Variants in AP1S3 observed in about 807,000 individuals in gnomAD.
AP1S3 encodes the protein adaptor related protein complex 1 subunit sigma 3, also known as AP-1 complex subunit sigma-3.
Under a neutral mutation model 20.9 loss-of-function variants are expected in AP1S3, and 10 were observed. The observed-to-expected ratio is 0.48, with a 90% CI of 0.29 to 0.81. AP1S3 has a LOEUF of 0.81. Among genes scored for constraint, AP1S3 ranks in the 30% least tolerant of loss-of-function variants. The pLI, the probability that AP1S3 is intolerant of heterozygous loss-of-function variation, is 0.08. For synonymous variants in AP1S3, 41 were observed against 61.5 expected (o/e 0.67, Z 1.56); for missense variants, 154 against 183.8 (o/e 0.84, Z 0.94).
At position 223,755,746 on chromosome 2, in the gene AP1S3, G is replaced by C. The variant is rs977277942; in HGVS notation, c.*2969C>G. On this transcript the variant is annotated 3_prime_UTR_variant, in exon 5 of 5. Coordinates refer to ENST00000396654, the MANE Select transcript of AP1S3 (RefSeq NM_001039569.2). ...GGGTTTCACCATGTTGGCCAGGCTGGTCTCGAACTCCTGACCTCAGGTGAT... is the reference window on the plus strand; with the variant it reads ...GGGTTTCACCATGTTGGCCAGGCTGCTCTCGAACTCCTGACCTCAGGTGAT... 3.0e-6 allele frequency: 2 copies of C among 671,178 alleles called. No individual in the cohort carries two copies. Among genetic ancestry groups the C allele is most frequent in the Non-Finnish European group, 3.7e-6 (2 of 543,188 alleles). The allele number at this position is 671,178 out of a possible 1,614,324, so 41.6% of individuals were successfully genotyped here. A position where few individuals can be genotyped will look rare whatever the true frequency, so the allele number is the denominator to read the frequency against.
intron 1 of AP1S3, among the ~76,000 whole-genome samples, chr2:223,785,722 CTG>C (rs1035896211): frequency 6.6e-6 from 1 of 152,116 alleles, no homozygotes; most frequent in African/African-American, 2.4e-5. Flanking sequence ...GAATGGCAGA[CTG>C]TGTGGCTGCC....
At chr2:223,787,152 G>A (rs1691097309) in intron 1 of AP1S3, among the ~76,000 whole-genome samples, 1 of 152,082 alleles carries the variant, frequency 6.6e-6, no homozygotes, top group Admixed American at 6.6e-5. Context: ...TCTTCTTCCT[G>A]CTTCAGCCAT....
At chr2:223,814,806 T>TGG (rs1285893960) in intron 1 of AP1S3, among the ~76,000 whole-genome samples, 2 of 152,176 alleles carry the variant, frequency 1.3e-5, no homozygotes, top group African/African-American at 4.8e-5. Context: ...AAACAGGGTC[T>TGG]TACTCTGTCA....
rs57119521 is a variant in AP1S3, at chr2:223,762,268, A to ATTTTTTTTTTTTTT, written c.429+2931_429+2944dup. Among the ~76,000 whole-genome samples the ATTTTTTTTTTTTTT allele has an allele frequency of 2.9e-5, 3 of 105,198 alleles. 1 individual carries two copies. Among genetic ancestry groups the ATTTTTTTTTTTTTT allele is most frequent in the African/African-American group, 7.4e-5 (2 of 27,072 alleles). 69.0% of individuals were successfully genotyped at this position (105,198 alleles called of 152,430 possible). On this transcript the variant is annotated intron_variant, in intron 4 of 4. Transcript: ENST00000396654. ...TAGGCATGAGCCATTGTGCCCAGCAATTTTTTTTTTTTTTTTTTTTTTGAG... is the reference window on the plus strand; with the variant it reads ...TAGGCATGAGCCATTGTGCCCAGCAATTTTTTTTTTTTTTTTTTTTTTTTTTTTTTTTTTTTGAG...
At chr2:223,824,304 T>C (rs572618020) in intron 1 of AP1S3, among the ~76,000 whole-genome samples, 1 of 151,876 alleles carries the variant, frequency 6.6e-6, no homozygotes, top group East Asian at 2.0e-4. Context: ...GGCCCAGCTA[T>C]AGATGGTTTT....
chr2:223,807,867 CTTTTTT>C (rs138805104), intron 1 of AP1S3, among the ~76,000 whole-genome samples: 179 of 43,226 alleles, frequency 4.1e-3, no homozygotes, highest in Non-Finnish European at 6.1e-3. Context: ...CATTTCTTTT[CTTTTTT>C]TTTTTTTTTT....
intron 1 of AP1S3, among the ~76,000 whole-genome samples, chr2:223,789,789 G>A (rs901888361): frequency 1.0e-4 from 15 of 143,878 alleles, no homozygotes; most frequent in Middle Eastern, 3.7e-3. Context: ...CGTGAGCCGA[G>A]ATCATGCCAC....
At chr2:223,824,598 C>T (rs1264283044) in intron 1 of AP1S3, among the ~76,000 whole-genome samples, 1 of 152,030 alleles carries the variant, frequency 6.6e-6, no homozygotes, top group Non-Finnish European at 1.5e-5. Context: ...AGTGCAGTGG[C>T]GCTATCTCGG....
intron 1 of AP1S3, among the ~76,000 whole-genome samples, chr2:223,784,326 C>G (rs1453296362): frequency 6.6e-6 from 1 of 152,156 alleles, no homozygotes; most frequent in African/African-American, 2.4e-5. Flanking sequence ...CTCCCTGACT[C>G]TGAGGAGAGG....
chr2:223,774,054 A>G (rs2106086962), intron 3 of AP1S3, among the ~76,000 whole-genome samples: 1 of 152,270 alleles, frequency 6.6e-6, no homozygotes, highest in East Asian at 1.9e-4. Context: ...TTGCTGGAGA[A>G]CTGTCAGGTA....
chr2:223,812,918 T>C (rs1691767477), intron 1 of AP1S3, among the ~76,000 whole-genome samples: 1 of 151,938 alleles, frequency 6.6e-6, no homozygotes, highest in African/African-American at 2.4e-5. Context: ...TGCCATTTTG[T>C]GTGGGGTTTT....
At position 223,757,776 on chromosome 2, in the gene AP1S3, T is replaced by G. The variant is rs1690255717; in HGVS notation, c.*939A>C. 4.1e-6 allele frequency: 4 copies of G among 985,438 alleles called. No individual in the cohort carries two copies. The highest frequency in any genetic ancestry group is 4.8e-6 in the Non-Finnish European group (4 of 829,918). The allele number at this position is 985,438 out of a possible 1,614,324, so 61.0% of individuals were successfully genotyped here. On this transcript the variant is annotated 3_prime_UTR_variant, in exon 5 of 5. Coordinates refer to ENST00000396654, the MANE Select transcript of AP1S3 (RefSeq NM_001039569.2). ...ATCTACCATATAGGCTGTGATAATC[T>G]TAAATGCTCTAAGTAAGCCATGTAA...
chr2:223,779,513 C>T (rs894830200), intron 1 of AP1S3, among the ~76,000 whole-genome samples: 1 of 152,010 alleles, frequency 6.6e-6, no homozygotes, highest in African/African-American at 2.4e-5. Flanking sequence ...TTTCTCAATC[C>T]ACGGTATCAG....
At chr2:223,800,107 C>T (rs540446630) in intron 1 of AP1S3, among the ~76,000 whole-genome samples, 7 of 130,640 alleles carry the variant, frequency 5.4e-5, no homozygotes, top group Non-Finnish European at 8.6e-5. Context: ...CCCAGCTACT[C>T]GGGATGCTGA....
rs572214890 is a variant in AP1S3, at chr2:223,793,430, G to C, written c.4-15561C>G. On this transcript the variant is annotated intron_variant, in intron 1 of 4. Transcript: ENST00000396654. Reference sequence around the variant, plus strand: ...AGATTATGTCCTTTGCAGGGACATAGATGGAGCTGGAAGCCATTATCCTCA... The same window carrying C: ...AGATTATGTCCTTTGCAGGGACATACATGGAGCTGGAAGCCATTATCCTCA... Among the ~76,000 whole-genome samples the C allele has an allele frequency of 1.5e-4, 23 of 152,278 alleles. 1 individual carries two copies. The South Asian group carries it at 4.8e-3, about 32-fold the overall frequency.
Position 223,777,776 on chromosome 2 carries a change from G to A in AP1S3, c.97C>T (p.Arg33Trp), listed in dbSNP as rs138292988. ...GAGAGAATAATCTGAACAATTTCCC[G>A]GGTGATCTTCTTCCTCTCTTTATCA... is the stretch of plus-strand genomic sequence containing the variant. ...LPDKERKKITREIVQIILSRG... is the reference protein window; with the variant it reads ...LPDKERKKITWEIVQIILSRG... The change falls in exon 2 of 5, where the codon CGG becomes TGG. Residue 33 changes from arginine (R) to tryptophan (W), a missense_variant. Coordinates refer to ENST00000396654, the MANE Select transcript of AP1S3 (RefSeq NM_001039569.2). The A allele has an allele frequency of 9.6e-3, 15,510 of 1,614,002 alleles. 112 individuals are homozygous for A. Among genetic ancestry groups the A allele is most frequent in the Non-Finnish European group, 0.011 (13,357 of 1,179,974 alleles).
At chr2:223,784,536 CCT>C (rs1213267859) in intron 1 of AP1S3, among the ~76,000 whole-genome samples, 1 of 152,114 alleles carries the variant, frequency 6.6e-6, no homozygotes, top group East Asian at 1.9e-4. Flanking sequence ...GGCTGTGCCC[CCT>C]CTTCTGGGGC....
intron 1 of AP1S3, among the ~76,000 whole-genome samples, chr2:223,818,835 T>TGG (rs1447466574): frequency 5.1e-4 from 77 of 152,184 alleles, no homozygotes; most frequent in African/African-American, 1.7e-3. Flanking sequence ...ATTACAGGCA[T>TGG]GAGCCACTGC....
intron 3 of AP1S3, among the ~76,000 whole-genome samples, chr2:223,768,308 T>C (rs1690530246): frequency 6.6e-6 from 1 of 152,210 alleles, no homozygotes; most frequent in Middle Eastern, 3.2e-3. Flanking sequence ...GCTCATTTTT[T>C]CAAGGCCAAA....
Sources: allele counts gnomAD v4.1 joint callset (sites outside exome capture counted in the v4.1 genomes callset), GRCh38; gene constraint gnomAD v4.1.1; transcripts MANE v1.5; gene names NCBI Gene and HGNC (gene_info 2026-07-23, HGNC 2026-07-21).